Variants in EBF1 observed in about 807,000 individuals in gnomAD.
EBF1 encodes EBF transcription factor 1.
In EBF1, 10 loss-of-function variants were observed where a neutral mutation model predicts 68.4. The observed-to-expected ratio is 0.15, with a 90% confidence interval of 0.09 to 0.25. EBF1 has a LOEUF of 0.25. Ranked by LOEUF, EBF1 falls within the 10% of genes least tolerant of loss-of-function variation. EBF1 has a pLI of 1.00. For synonymous variants in EBF1, 298 were observed against 299.8 expected (o/e 0.99, Z 0.06); for missense variants, 509 against 794.4 (o/e 0.64, Z 4.32).
chr5:158,713,278 C>T (rs1435588206), intron 12 of EBF1, 131 bp from the exon 13 acceptor site: 5 of 772,562 alleles, frequency 6.5e-6, no homozygotes, highest in East Asian at 3.3e-5. Flanking sequence ...ACCCTCATGA[C>T]AAACCTGTTA....
intron 4 of EBF1, among the ~76,000 whole-genome samples, chr5:159,087,984 G>T (rs1015875649): frequency 1.3e-5 from 2 of 152,086 alleles, no homozygotes; most frequent in African/African-American, 4.8e-5. Context: ...AGAAAGAAGT[G>T]CTGCCTCCAT....
intron 8 of EBF1, among the ~76,000 whole-genome samples, chr5:158,797,353 T>G (rs1470731003): frequency 2.6e-5 from 4 of 152,208 alleles, no homozygotes; most frequent in Non-Finnish European, 5.9e-5. Context: ...TCTCTCAGGG[T>G]GCACCTTCGT....
At chr5:158,906,575 G>A (rs1344114468) in intron 6 of EBF1, among the ~76,000 whole-genome samples, 1 of 152,174 alleles carries the variant, frequency 6.6e-6, no homozygotes, top group African/African-American at 2.4e-5. Flanking sequence ...ACGAAGCAGA[G>A]GCTGTGCTCT....
At chr5:158,838,195 C>T (rs1186484236) in intron 7 of EBF1, among the ~76,000 whole-genome samples, 2 of 152,124 alleles carry the variant, frequency 1.3e-5, no homozygotes, top group East Asian at 3.9e-4. Flanking sequence ...CCTGTAATTC[C>T]AGCACTTTGG....
At chr5:158,858,310 G>T (rs1477630810) in intron 6 of EBF1, among the ~76,000 whole-genome samples, 1 of 152,134 alleles carries the variant, frequency 6.6e-6, no homozygotes, top group Non-Finnish European at 1.5e-5. Context: ...CAGCAGACCC[G>T]CCTGACACAT....
At chr5:158,980,513 A>C (rs2127583935) in intron 6 of EBF1, among the ~76,000 whole-genome samples, 1 of 152,302 alleles carries the variant, frequency 6.6e-6, no homozygotes, top group South Asian at 2.1e-4. Context: ...CAGCACACTC[A>C]ACCCCAATAT....
chr5:158,944,060 A>G (rs1223605837), intron 6 of EBF1, among the ~76,000 whole-genome samples: 1 of 152,154 alleles, frequency 6.6e-6, no homozygotes, highest in Middle Eastern at 3.2e-3. Context: ...TTTGAAATTC[A>G]TCAGTTATTC....
intron 6 of EBF1, among the ~76,000 whole-genome samples, chr5:158,940,504 C>T (rs1350297363): frequency 6.6e-6 from 1 of 152,142 alleles, no homozygotes; most frequent in African/African-American, 2.4e-5. Context: ...AAAATAACTT[C>T]CCCAAGGCCA....
At chr5:158,816,802 A>G (rs910273525) in intron 8 of EBF1, among the ~76,000 whole-genome samples, 1 of 152,204 alleles carries the variant, frequency 6.6e-6, no homozygotes, top group African/African-American at 2.4e-5. Flanking sequence ...TGAAAAAAAA[A>G]GAGGAGAAAG....
At chr5:159,080,156 C>A (rs936158485) in intron 5 of EBF1, among the ~76,000 whole-genome samples, 1 of 152,158 alleles carries the variant, frequency 6.6e-6, no homozygotes, top group Admixed American at 6.5e-5. Context: ...AACTCAGGAC[C>A]ATCCACCTGC....
chr5:158,775,158 A>C (rs1461610891), intron 10 of EBF1, among the ~76,000 whole-genome samples: 1 of 151,820 alleles, frequency 6.6e-6, no homozygotes, highest in East Asian at 1.9e-4. Context: ...TTTTTTCTTA[A>C]TTCCAGTGTG....
At chr5:158,905,372 T>C (rs17543752) in intron 6 of EBF1, among the ~76,000 whole-genome samples, 49,889 of 152,062 alleles carry the variant, frequency 0.33, 8,837 homozygotes, top group South Asian at 0.58. Flanking sequence ...TTAAAGGGCC[T>C]TGCACTCTCT....
At chr5:158,733,390 A>T (rs1764512599) in intron 10 of EBF1, among the ~76,000 whole-genome samples, 1 of 152,126 alleles carries the variant, frequency 6.6e-6, no homozygotes, top group South Asian at 2.1e-4. Flanking sequence ...ATGAATTCCT[A>T]TTGTGTCTAG....
At chr5:158,971,582 G>A (rs1027699924) in intron 6 of EBF1, among the ~76,000 whole-genome samples, 19 of 152,132 alleles carry the variant, frequency 1.2e-4, no homozygotes, top group African/African-American at 4.3e-4. Context: ...CTAAAAATCA[G>A]AGTGTTTGCC....
intron 10 of EBF1, among the ~76,000 whole-genome samples, chr5:158,740,207 C>G (rs1300270653): frequency 6.6e-6 from 1 of 152,310 alleles, no homozygotes; most frequent in East Asian, 1.9e-4. Flanking sequence ...CTAGAACAAG[C>G]CTACCAGTGA....
At chr5:158,814,622 A>G (rs2127811322) in intron 8 of EBF1, among the ~76,000 whole-genome samples, 1 of 152,282 alleles carries the variant, frequency 6.6e-6, no homozygotes, top group East Asian at 1.9e-4. Context: ...TGAGGTTTAC[A>G]AACTCTTCAG....
At chr5:158,868,452 G>C (rs1296618571) in intron 6 of EBF1, among the ~76,000 whole-genome samples, 1 of 152,192 alleles carries the variant, frequency 6.6e-6, no homozygotes, top group Non-Finnish European at 1.5e-5. Flanking sequence ...ATACTGCCCA[G>C]TTCAGTCTTT....
intron 6 of EBF1, among the ~76,000 whole-genome samples, chr5:158,888,437 G>T (rs1800476667): frequency 6.6e-6 from 1 of 152,102 alleles, no homozygotes. Context: ...TTCCTAAGAG[G>T]CAAGAATGTG....
chr5:158,751,745 T>C (rs903026946), intron 10 of EBF1, among the ~76,000 whole-genome samples: 1 of 152,136 alleles, frequency 6.6e-6, no homozygotes, highest in Non-Finnish European at 1.5e-5. Flanking sequence ...CGTTATACAA[T>C]AAGTACTTAT....
Sources: allele counts gnomAD v4.1 joint callset (sites outside exome capture counted in the v4.1 genomes callset), GRCh38; gene constraint gnomAD v4.1.1; transcripts MANE v1.5; gene names NCBI Gene and HGNC (gene_info 2026-07-23, HGNC 2026-07-21).